The following AGFG1 variants were observed in gnomAD, a reference collection of about 807,000 sequenced individuals.
The protein encoded by AGFG1 is ArfGAP with FG repeats 1, also known as arf-GAP domain and FG repeat-containing protein 1.
Under a neutral mutation model 60.6 loss-of-function variants are expected in AGFG1, and 10 were observed. The observed-to-expected ratio is 0.16, with a 90% CI of 0.10 to 0.28. The LOEUF (loss-of-function observed/expected upper bound fraction) is 0.28. Among genes scored for constraint, AGFG1 ranks in the 10% least tolerant of loss-of-function variants. The probability of loss-of-function intolerance (pLI) is 1.00; values close to 1 mark genes in which losing one functional copy is unlikely to be tolerated. For missense variants in AGFG1, 537 were observed against 676.5 expected (o/e 0.79, Z 2.29); for synonymous variants, 247 against 242.9 (o/e 1.02, Z -0.16).
intron 2 of AGFG1, among the ~76,000 whole-genome samples, chr2:227,515,455 A>C (rs1411299451): frequency 2.0e-5 from 3 of 152,150 alleles, no homozygotes; most frequent in Non-Finnish European, 4.4e-5. Flanking sequence ...CTAATACTGG[A>C]GCCAACAATT....
At position 227,536,911 on chromosome 2, in the gene AGFG1, C is replaced by A; in HGVS notation, c.1296C>A (p.Ser432=). ...TATAATTTTTTAAAGCTACGCCTTC[C>A]ACAAATCCATTTGTTGCTGCTGCTG... ...SVPAPFGATP[S]TNPFVAAAGP... is the part of the protein sequence containing the mutation. Residue 432 remains serine (S), a synonymous_variant, in exon 10 of 13, where the codon TCC becomes TCA. Transcript: ENST00000310078. The A allele has an allele frequency of 6.2e-7, 1 of 1,612,250 alleles. No homozygotes were observed. The highest frequency in any genetic ancestry group is 8.5e-7 in the Non-Finnish European group (1 of 1,178,972).
intron 1 of AGFG1, among the ~76,000 whole-genome samples, chr2:227,474,272 T>G (rs575638062): frequency 1.3e-5 from 2 of 152,368 alleles, no homozygotes; most frequent in South Asian, 4.1e-4. Flanking sequence ...ATGGTTAAGA[T>G]GTATGTCCTG....
chr2:227,545,459 T>C (rs191408856), intron 10 of AGFG1, among the ~76,000 whole-genome samples: 2 of 152,344 alleles, frequency 1.3e-5, no homozygotes, highest in Admixed American at 1.3e-4. Context: ...AGCCTACTTC[T>C]GTCAGTTCGT....
intron 2 of AGFG1, among the ~76,000 whole-genome samples, chr2:227,500,384 C>T (rs1460503031): frequency 1.3e-5 from 2 of 152,156 alleles, no homozygotes; most frequent in East Asian, 3.8e-4. Context: ...CATCTAATGG[C>T]AGCATAGTGT....
intron 5 of AGFG1, among the ~76,000 whole-genome samples, chr2:227,526,897 C>T (rs1379925118): frequency 6.6e-6 from 1 of 152,122 alleles, no homozygotes; most frequent in Non-Finnish European, 1.5e-5. Flanking sequence ...CCTTTTCTCC[C>T]TTCCTTATTC....
At chr2:227,509,253 G>A (rs189352283) in intron 2 of AGFG1, among the ~76,000 whole-genome samples, 1 of 152,014 alleles carries the variant, frequency 6.6e-6, no homozygotes, top group Non-Finnish European at 1.5e-5. Flanking sequence ...CCCAAAATAC[G>A]TAACTTTAAT....
chr2:227,514,794 G>A (rs1435634012), intron 2 of AGFG1, among the ~76,000 whole-genome samples: 1 of 152,062 alleles, frequency 6.6e-6, no homozygotes, highest in African/African-American at 2.4e-5. Flanking sequence ...ATAATTCCTT[G>A]TTTTAGGTGT....
intron 2 of AGFG1, among the ~76,000 whole-genome samples, chr2:227,517,977 T>C (rs532479023): frequency 6.6e-6 from 1 of 152,318 alleles, no homozygotes; most frequent in Non-Finnish European, 1.5e-5. Context: ...TGTGCAACCC[T>C]TTGTAATGAA....
chr2:227,479,492 T>C (rs1007361629), intron 1 of AGFG1, among the ~76,000 whole-genome samples: 1 of 152,192 alleles, frequency 6.6e-6, no homozygotes, highest in African/African-American at 2.4e-5. Context: ...TGAAAATCAT[T>C]GTCTTTTTAG....
intron 2 of AGFG1, among the ~76,000 whole-genome samples, chr2:227,503,653 T>C (rs1691223822): frequency 6.6e-6 from 1 of 152,200 alleles, no homozygotes; most frequent in Non-Finnish European, 1.5e-5. Flanking sequence ...GCTGCCCAAA[T>C]TGAGATGACT....
intron 10 of AGFG1, among the ~76,000 whole-genome samples, chr2:227,548,892 A>T (rs1692732961): frequency 6.6e-6 from 1 of 151,918 alleles, no homozygotes; most frequent in South Asian, 2.1e-4. Context: ...AGCCGAGATC[A>T]CACCACTGCA....
intron 10 of AGFG1, among the ~76,000 whole-genome samples, chr2:227,541,285 A>G (rs150751070): frequency 0.018 from 2,807 of 152,216 alleles, 85 homozygotes; most frequent in African/African-American, 0.064. Context: ...TGTGTCCTGA[A>G]TGGTATTGCC....
intron 2 of AGFG1, among the ~76,000 whole-genome samples, chr2:227,518,516 CTTTTTTT>C (rs1222543055): frequency 8.8e-5 from 9 of 102,342 alleles, no homozygotes; most frequent in African/African-American, 1.1e-4. Context: ...GTCTCAGTGT[CTTTTTTT>C]TTTTTTTTTT....
At chr2:227,503,112 A>G (rs961761826) in intron 2 of AGFG1, among the ~76,000 whole-genome samples, 3 of 151,996 alleles carry the variant, frequency 2.0e-5, no homozygotes, top group Non-Finnish European at 2.9e-5. Context: ...GTGCACCTGT[A>G]TTCCCAGCTA....
intron 12 of AGFG1, 146 bp downstream of exon 12, chr2:227,553,941 C>A: frequency 1.7e-6 from 1 of 588,102 alleles, no homozygotes; most frequent in South Asian, 3.0e-5. Context: ...TGACACAGAG[C>A]CATTATGTGT....
At chr2:227,522,966 T>G (rs560111773) in intron 3 of AGFG1, among the ~76,000 whole-genome samples, 2 of 152,346 alleles carry the variant, frequency 1.3e-5, no homozygotes, top group South Asian at 4.1e-4. Flanking sequence ...GAGTATTGTA[T>G]TATCGTAAAT....
chr2:227,552,256 C>T (rs1187212360), intron 11 of AGFG1, 139 bp downstream of exon 11: 2 of 1,110,046 alleles, frequency 1.8e-6, no homozygotes, highest in African/African-American at 3.2e-5. Context: ...AAATAAAAGC[C>T]TTTGGTGATT....
At chr2:227,542,323 G>A (rs527534769) in intron 10 of AGFG1, among the ~76,000 whole-genome samples, 2 of 152,286 alleles carry the variant, frequency 1.3e-5, no homozygotes, top group South Asian at 4.1e-4. Context: ...TTATTATTTT[G>A]AGGTATGTTC....
chr2:227,513,998 T>A (rs1683205628), intron 2 of AGFG1, among the ~76,000 whole-genome samples: 1 of 152,176 alleles, frequency 6.6e-6, no homozygotes, highest in African/African-American at 2.4e-5. Flanking sequence ...ATGAGTTTCC[T>A]GTGAGAGCTA....
Sources: gnomAD v4.1 joint callset for allele counts (sites outside exome capture counted in the v4.1 genomes callset) on GRCh38, gnomAD v4.1.1 for gene constraint, MANE v1.5 for transcripts, NCBI Gene and HGNC (gene_info 2026-07-23, HGNC 2026-07-21) for gene names.